PALMD: variants seen among roughly 807,000 people sequenced by gnomAD.
PALMD encodes palmdelphin, also known as paralemmin-like protein.
In PALMD, 42 loss-of-function variants were observed where a neutral mutation model predicts 56.2. That is an observed-to-expected ratio of 0.75 (90% confidence interval 0.58 to 0.97). The LOEUF is 0.97. PALMD is among the 50% of genes least tolerant of loss of function. PALMD has a pLI of 0.00. For missense variants in PALMD, 660 were observed against 643.8 expected (o/e 1.03, Z -0.27); for synonymous variants, 242 against 222.9 (o/e 1.09, Z -0.76).
At chr1:99,655,964 A>G (rs1238922453) in intron 1 of PALMD, among the ~76,000 whole-genome samples, 1 of 150,198 alleles carries the variant, frequency 6.7e-6, no homozygotes, top group Non-Finnish European at 1.5e-5. Context: ...ACACACACAC[A>G]CACGCATGCA....
At chr1:99,657,878 A>T (rs1409431950) in intron 1 of PALMD, among the ~76,000 whole-genome samples, 1 of 152,172 alleles carries the variant, frequency 6.6e-6, no homozygotes, top group Non-Finnish European at 1.5e-5. Flanking sequence ...TACCCAAAAT[A>T]TTCCACTCAG....
intron 7 of PALMD, among the ~76,000 whole-genome samples, chr1:99,693,230 T>G (rs1246987154): frequency 6.6e-6 from 1 of 152,216 alleles, no homozygotes; most frequent in Non-Finnish European, 1.5e-5. Flanking sequence ...TAATATTAGA[T>G]CATTAACATA....
intron 1 of PALMD, 144 bp downstream of exon 1, chr1:99,646,506 C>A (rs1398145812): frequency 3.0e-6 from 2 of 660,432 alleles, no homozygotes; most frequent in African/African-American, 1.8e-5. Flanking sequence ...TCTCTCTTAA[C>A]CCTCATGACC....
chr1:99,681,569 T>C (rs1653348142), intron 3 of PALMD, among the ~76,000 whole-genome samples: 2 of 152,140 alleles, frequency 1.3e-5, no homozygotes, highest in East Asian at 1.9e-4. Flanking sequence ...ATAAAAGAAA[T>C]GGATATAAAC....
chr1:99,651,930 A>G (rs2100853055), intron 1 of PALMD, among the ~76,000 whole-genome samples: 1 of 152,370 alleles, frequency 6.6e-6, no homozygotes, highest in African/African-American at 2.4e-5. Context: ...ATGATGTAAC[A>G]TAGCAAAGTG....
At position 99,667,774 on chromosome 1, in the gene PALMD, C is replaced by T. The variant is rs1444873340; in HGVS notation, c.251+8C>T. On this transcript the variant is annotated splice_region_variant and intron_variant, in intron 3 of 7. Coordinates refer to ENST00000263174, the MANE Select transcript of PALMD (RefSeq NM_017734.5). ...AGAACAAAGTATCCTCAGGTATGGCCCTCACTGAGATACTCCACAACTACC... is the reference window on the plus strand; with the variant it reads ...AGAACAAAGTATCCTCAGGTATGGCTCTCACTGAGATACTCCACAACTACC... The T allele has an allele frequency of 2.5e-6, 4 of 1,611,928 alleles. No homozygotes were observed. In the African/African-American group the frequency reaches 4.0e-5, roughly 16 times the overall value.
chr1:99,665,530 C>A (rs1020130867), intron 2 of PALMD, among the ~76,000 whole-genome samples: 9 of 152,208 alleles, frequency 5.9e-5, no homozygotes, highest in Non-Finnish European at 1.2e-4. Flanking sequence ...TTTTACAAGA[C>A]TAAAATTAAA....
chr1:99,662,467 A>C, intron 2 of PALMD, 68 bp downstream of exon 2: 2 of 937,812 alleles, frequency 2.1e-6, no homozygotes, highest in African/African-American at 1.7e-5. Flanking sequence ...CTCAAATTTC[A>C]ATAGTAAAAA....
intron 1 of PALMD, among the ~76,000 whole-genome samples, chr1:99,660,056 T>C (rs1652812479): frequency 6.6e-6 from 1 of 152,198 alleles, no homozygotes; most frequent in Non-Finnish European, 1.5e-5. Context: ...TCAGCAATCC[T>C]GTCCACCCCA....
intron 3 of PALMD, chr1:99,668,412 A>G (rs968311216): frequency 6.6e-6 from 1 of 152,328 alleles, no homozygotes; most frequent in African/African-American, 2.4e-5. Context: ...TTTAAAAAAT[A>G]CATGCACTAA....
chr1:99,689,774 C>T lies in PALMD; in HGVS notation c.1514C>T (p.Ser505Phe). The stretch of plus-strand genomic sequence containing the variant: ...AAATCCCCCCACAAAAATTCCATAT[C>T]TCTGAAAGAGCAAGAAGAAAGCTTA... The part of the protein sequence containing the change: ...NHKSPHKNSI[S>F]LKEQEESLGS... Residue 505 changes from serine (S) to phenylalanine (F), a missense_variant, in exon 7 of 8, where the codon TCT becomes TTT. Physicochemically the swap from Ser to Phe is radical, Grantham distance 155. Transcript: ENST00000263174. 1 of 1,613,840 alleles carries T rather than the reference C, an allele frequency of 6.2e-7. No homozygotes were observed. Among genetic ancestry groups the T allele is most frequent in the Non-Finnish European group, 8.5e-7 (1 of 1,179,830 alleles).
chr1:99,654,867 G>C (rs191473616), intron 1 of PALMD, among the ~76,000 whole-genome samples: 91 of 152,152 alleles, frequency 6.0e-4, no homozygotes, highest in Middle Eastern at 3.4e-3. Flanking sequence ...GATAAATAAG[G>C]AATTAGCTGG....
At chr1:99,646,627 TTAAC>T (rs765637518) in intron 1 of PALMD, among the ~76,000 whole-genome samples, 3 of 152,232 alleles carry the variant, frequency 2.0e-5, no homozygotes, top group Non-Finnish European at 2.9e-5. Context: ...GGCAGTCTGA[TTAAC>T]TATCTTTCAC....
intron 3 of PALMD, among the ~76,000 whole-genome samples, chr1:99,674,227 G>A (rs1653154649): frequency 6.6e-6 from 1 of 151,972 alleles, no homozygotes; most frequent in Non-Finnish European, 1.5e-5. Context: ...CTATATGTTA[G>A]TAGAAATAAA....
At position 99,688,997 on chromosome 1, in the gene PALMD, C is replaced by A; in HGVS notation, c.737C>A (p.Ala246Asp). ...GAAGTAGAGGAACTTCTAAGACAAG[C>A]CTCAGAGAGAAACTCTAAATCCCCA... ...PVEVEELLRQ[A>D]SERNSKSPTE... Residue 246 changes from alanine to aspartate, a missense_variant, in exon 7 of 8, where the codon GCC becomes GAC. Ala to Asp is a moderately radical substitution (Grantham distance 126). Transcript: ENST00000263174. The A allele has an allele frequency of 1.2e-6, 2 of 1,613,676 alleles. No homozygotes were observed. The highest frequency in any genetic ancestry group is 1.7e-6 in the Non-Finnish European group (2 of 1,179,734).
chr1:99,650,318 A>G (rs1469836062), intron 1 of PALMD, among the ~76,000 whole-genome samples: 1 of 130,212 alleles, frequency 7.7e-6, no homozygotes, highest in Non-Finnish European at 1.6e-5. Flanking sequence ...AAAAAAAAAA[A>G]AGCTCTCACA....
rs554849834 is a variant in PALMD, at chr1:99,652,017, T to C, written c.45+5655T>C. ...GGACATCTCCTAAGAAAAAGAATTG[T>C]GAGATTTCTAACAATAATAACAGTG... On this transcript the variant is annotated intron_variant, in intron 1 of 7. Transcript: ENST00000263174. Among the ~76,000 whole-genome samples the C allele has an allele frequency of 2.0e-5, 3 of 152,364 alleles. No homozygotes were observed. The East Asian group carries it at 5.8e-4, about 29-fold the overall frequency.
chr1:99,674,701 C>T (rs1368894286), intron 3 of PALMD, among the ~76,000 whole-genome samples: 1 of 152,104 alleles, frequency 6.6e-6, no homozygotes, highest in Non-Finnish European at 1.5e-5. Flanking sequence ...GTATTCAGTG[C>T]CTTGAAATAC....
At position 99,688,853 on chromosome 1, in the gene PALMD, C is replaced by T. The variant is rs1038494034; in HGVS notation, c.593C>T (p.Pro198Leu). 5.0e-6 allele frequency: 8 copies of T among 1,612,300 alleles called. No homozygotes were observed. Among genetic ancestry groups the T allele is most frequent in the African/African-American group, 1.3e-5 (1 of 74,858 alleles). Residue 198 changes from proline to leucine, a missense_variant, in exon 7 of 8, where the codon CCA (proline) becomes CTA (leucine). Physicochemically the swap from Pro to Leu is moderately conservative, Grantham distance 98 (BLOSUM62 -3). Transcript: ENST00000263174. Reference protein sequence around the residue: ...ESTVLSSIPLPSDDFKGTGIK... With the variant: ...ESTVLSSIPLLSDDFKGTGIK... ...ACAGTTCTGTCTTCAATACCTCTGC[C>T]ATCAGATGACTTTAAAGGTACAGGA...
Sources: allele counts gnomAD v4.1 joint callset (sites outside exome capture counted in the v4.1 genomes callset), GRCh38; gene constraint gnomAD v4.1.1; transcripts MANE v1.5; gene names NCBI Gene and HGNC (gene_info 2026-07-23, HGNC 2026-07-21).